The following TNPO1 variants were observed in gnomAD, a reference collection of about 807,000 sequenced individuals.
TNPO1 encodes transportin 1.
A neutral mutation model predicts 119.5 loss-of-function variants in TNPO1; 8 were observed. That is an observed-to-expected ratio of 0.07 (90% confidence interval 0.04 to 0.12). TNPO1 has a LOEUF of 0.12. Ranked by LOEUF, TNPO1 falls within the 10% of genes least tolerant of loss-of-function variation. The pLI is 1.00. For missense variants in TNPO1, 576 were observed against 1,089.8 expected (o/e 0.53, Z 6.64); for synonymous variants, 362 against 363.0 (o/e 1.00, Z 0.03).
At chr5:72,820,001 T>C (rs1393962581) in intron 1 of TNPO1, among the ~76,000 whole-genome samples, 1 of 152,190 alleles carries the variant, frequency 6.6e-6, no homozygotes, top group African/African-American at 2.4e-5. Context: ...ATTACAAATA[T>C]CAGTACTACG....
intron 9 of TNPO1, among the ~76,000 whole-genome samples, chr5:72,880,242 C>T (rs1381129399): frequency 1.3e-5 from 2 of 152,054 alleles, no homozygotes; most frequent in Non-Finnish European, 2.9e-5. Flanking sequence ...GTTCTATTAT[C>T]ATTCTGGGCT....
chr5:72,822,853 A>G (rs1744029014), intron 1 of TNPO1, among the ~76,000 whole-genome samples: 1 of 149,588 alleles, frequency 6.7e-6, no homozygotes, highest in Non-Finnish European at 1.5e-5. Flanking sequence ...TTGGCTTCCC[A>G]AAGTGCTGGG....
intron 9 of TNPO1, 130 bp from the exon 10 acceptor site, chr5:72,882,337 C>T (rs1561341238): frequency 1.7e-6 from 1 of 582,180 alleles, no homozygotes; most frequent in Admixed American, 3.3e-5. Flanking sequence ...ACATATATCA[C>T]TGAATAAGTT....
At chr5:72,848,079 C>T in intron 1 of TNPO1, 1 of 1,099,576 alleles carries the variant, frequency 9.1e-7, no homozygotes. Flanking sequence ...ACCCAGGGGG[C>T]TCCCGTGAGC....
At chr5:72,906,275 CTTTTTTTTTTTTTTTTTT>C (rs869051297) in intron 24 of TNPO1, among the ~76,000 whole-genome samples, 14 of 54,674 alleles carry the variant, frequency 2.6e-4, no homozygotes, top group South Asian at 2.2e-3. Context: ...TTTTTTTTTT[CTTTTTTTTTTTTTTTTTT>C]TTTTTTTTTT....
intron 14 of TNPO1, among the ~76,000 whole-genome samples, chr5:72,890,981 G>A (rs183769486): frequency 1.3e-5 from 2 of 152,106 alleles, no homozygotes; most frequent in East Asian, 2.0e-4. Context: ...AGCCTCCCCT[G>A]TAGCTGAGAC....
chr5:72,891,679 A>G (rs1749070452), intron 14 of TNPO1, 131 bp from the exon 15 acceptor site: 1 of 651,588 alleles, frequency 1.5e-6, no homozygotes, highest in Admixed American at 2.6e-5. Flanking sequence ...AGAGTGAAGA[A>G]TGACTCTTAA....
intron 4 of TNPO1, 90 bp from the exon 5 acceptor site, chr5:72,861,718 C>A: frequency 1.1e-6 from 1 of 914,916 alleles, no homozygotes; most frequent in Non-Finnish European, 1.8e-6. Context: ...TTATTATTTA[C>A]ATAAAATGTG....
Position 72,837,768 on chromosome 5 carries a change from G to A in TNPO1, c.16-10617G>A, listed in dbSNP as rs141667152. 2.0e-3 allele frequency among the ~76,000 whole-genome samples: 306 copies of A among 152,210 alleles called. 3 individuals carry two copies. Among genetic ancestry groups the A allele is most frequent in the African/African-American group, 7.1e-3 (295 of 41,546 alleles). ...AGTACTGACTATTGTGGTACTTTAC[G>A]TTCTCAGTTAATCTTCTCATCAACG... On this transcript the variant is annotated intron_variant, in intron 1 of 24. Coordinates refer to ENST00000337273, the MANE Select transcript of TNPO1 (RefSeq NM_002270.4).
Position 72,855,888 on chromosome 5 carries a change from T to C in TNPO1, c.320T>C (p.Ile107Thr). ...DFIKSECLNN[I>T]GDSSPLIRAT... is the part of the protein sequence containing the mutation. ...ATTAAAAGTGAATGTTTAAATAATA[T>C]TGGTGACTCCTCTCCTCTGATTAGA... Residue 107 changes from isoleucine (I) to threonine (T), a missense_variant, in exon 4 of 25, where the codon ATT (isoleucine) becomes ACT (threonine). Ile to Thr is a moderately conservative substitution (Grantham distance 89). This residue lies in a region of TNPO1 where 310 missense variants were observed against 583.0 expected (regional missense o/e 0.53). Coordinates refer to ENST00000337273, the MANE Select transcript of TNPO1 (RefSeq NM_002270.4). The C allele has an allele frequency of 6.2e-7, 1 of 1,613,724 alleles. No homozygotes were observed. Among genetic ancestry groups the C allele is most frequent in the Non-Finnish European group, 8.5e-7 (1 of 1,179,852 alleles).
At position 72,867,312 on chromosome 5, in the gene TNPO1, TTAATA is replaced by T. The variant is rs544387922; in HGVS notation, c.596+1585_596+1589del. Among the ~76,000 whole-genome samples, 19 of 152,366 alleles carry T rather than the reference TTAATA, an allele frequency of 1.2e-4. 1 individual carries two copies. The highest frequency in any genetic ancestry group is 5.9e-4 in the Admixed American group (9 of 15,300). On this transcript the variant is annotated intron_variant, in intron 6 of 24. Transcript: ENST00000337273. ...TATATACTAAATGTATCATCCATCT[TTAATA>T]TGATATTCTACATTATTTAATACCT...
Position 72,905,439 on chromosome 5 carries a change from A to C in TNPO1, c.*29A>C. On this transcript the variant is annotated 3_prime_UTR_variant, in exon 24 of 25. Coordinates refer to ENST00000337273, the MANE Select transcript of TNPO1 (RefSeq NM_002270.4). ...AATACACTTAAGCTGCAGTCCCAAA[A>C]TTAGGGGTAAGTTATAAGAAGTTTG... is the stretch of plus-strand genomic sequence containing the variant. 6.7e-7 allele frequency: 1 copy of C among 1,488,404 alleles called. No individual in the cohort carries two copies. 92.2% of individuals were successfully genotyped at this position (1,488,404 alleles called of 1,614,324 possible).
chr5:72,903,900 T>C, intron 23 of TNPO1, 117 bp downstream of exon 23: 1 of 648,180 alleles, frequency 1.5e-6, no homozygotes, highest in Non-Finnish European at 2.6e-6. Flanking sequence ...GTATTGATAG[T>C]TTACATATAT....
intron 11 of TNPO1, among the ~76,000 whole-genome samples, chr5:72,883,696 T>C (rs1748414952): frequency 1.3e-5 from 2 of 152,222 alleles, no homozygotes; most frequent in African/African-American, 4.8e-5. Context: ...TGTGATGCTA[T>C]AAATACTCAT....
intron 1 of TNPO1, among the ~76,000 whole-genome samples, chr5:72,831,461 A>G (rs1744460599): frequency 6.6e-6 from 1 of 151,984 alleles, no homozygotes; most frequent in African/African-American, 2.4e-5. Flanking sequence ...TTGTTCTTCT[A>G]AATTTTGTAC....
rs575358155 is a variant in TNPO1 at position 72,826,324 on chromosome 5, T to C, written c.15+9572T>C. Among the ~76,000 whole-genome samples the C allele has an allele frequency of 3.9e-5, 6 of 152,268 alleles. No individual in the cohort carries two copies. The East Asian group carries it at 1.2e-3, about 29-fold the overall frequency. ...TTCTGCCCTGTTTTTGTACATCCTA[T>C]AAGCAAAAGAATGGTTTTTACATTT... On this transcript the variant is annotated intron_variant, in intron 1 of 24. Coordinates refer to ENST00000337273, the MANE Select transcript of TNPO1 (RefSeq NM_002270.4).
intron 1 of TNPO1, among the ~76,000 whole-genome samples, chr5:72,824,973 GTAGCTCAGACCAAAATCTTGGCCTTATTT>G (rs1281747437): frequency 6.6e-6 from 1 of 152,154 alleles, no homozygotes. Context: ...CCGTCCTCCT[GTAGCTCAGACCAAAATCTTGGCCTTATTT>G]TTTTACTTCA....
chr5:72,888,633 GTTA>G (rs1023464799), intron 13 of TNPO1, among the ~76,000 whole-genome samples: 2 of 152,182 alleles, frequency 1.3e-5, no homozygotes, highest in African/African-American at 4.8e-5. Flanking sequence ...CCACTCAGTG[GTTA>G]TTATAACAGA....
intron 10 of TNPO1, 141 bp downstream of exon 10, chr5:72,882,668 A>C (rs1748332766): frequency 1.8e-6 from 1 of 570,242 alleles, no homozygotes. Flanking sequence ...ATAGAAGCAT[A>C]AGTTTAAGTA....
Sources: gnomAD v4.1 joint callset for allele counts (sites outside exome capture counted in the v4.1 genomes callset) on GRCh38, gnomAD v4.1.1 for gene constraint, gnomAD v4.1.1 regional missense constraint, MANE v1.5 for transcripts, NCBI Gene and HGNC (gene_info 2026-07-23, HGNC 2026-07-21) for gene names.